LPP: variants seen among roughly 807,000 people sequenced by gnomAD.
The protein encoded by LPP is LIM domain containing preferred translocation partner in lipoma, also known as lipoma-preferred partner.
In LPP, 38 loss-of-function variants were observed where a neutral mutation model predicts 60.4. The observed-to-expected ratio is 0.63, with a 90% CI of 0.49 to 0.83. The LOEUF (loss-of-function observed/expected upper bound fraction) is 0.83, where lower values mean the gene tolerates loss of function less well. Among genes scored for constraint, LPP ranks in the 40% least tolerant of loss-of-function variants. The pLI, the probability that LPP is intolerant of heterozygous loss-of-function variation, is 0.00. For missense variants in LPP, 902 were observed against 783.6 expected (o/e 1.15, Z -1.80); for synonymous variants, 328 against 290.8 (o/e 1.13, Z -1.30).
intron 2 of LPP, among the ~76,000 whole-genome samples, chr3:188,271,105 T>C (rs1422261590): frequency 2.0e-5 from 3 of 152,260 alleles, no homozygotes; most frequent in African/African-American, 4.8e-5. Flanking sequence ...TGGCTTGAAC[T>C]TAAAAAGACA....
chr3:188,839,595 A>G (rs1176469302), intron 9 of LPP, among the ~76,000 whole-genome samples: 5 of 152,174 alleles, frequency 3.3e-5, no homozygotes, highest in Non-Finnish European at 7.3e-5. Context: ...CACTACTTAA[A>G]TCTTACATAG....
chr3:188,348,414 C>A (rs1236508025), intron 3 of LPP, among the ~76,000 whole-genome samples: 1 of 152,160 alleles, frequency 6.6e-6, no homozygotes, highest in Admixed American at 6.5e-5. Flanking sequence ...TCCCAAATTG[C>A]TGGGATTACA....
At chr3:188,837,578 T>C (rs1758811486) in intron 9 of LPP, among the ~76,000 whole-genome samples, 1 of 151,978 alleles carries the variant, frequency 6.6e-6, no homozygotes, top group Non-Finnish European at 1.5e-5. Flanking sequence ...AAATTCAGTC[T>C]GTTCTGCCAA....
chr3:188,568,859 T>C (rs1023713052), intron 6 of LPP, among the ~76,000 whole-genome samples: 2 of 151,886 alleles, frequency 1.3e-5, no homozygotes, highest in Non-Finnish European at 2.9e-5. Context: ...CATTTGGGAC[T>C]GTGTGGGCAG....
At chr3:188,215,718 G>A (rs1376813092) in intron 1 of LPP, among the ~76,000 whole-genome samples, 1 of 152,196 alleles carries the variant, frequency 6.6e-6, no homozygotes, top group African/African-American at 2.4e-5. Flanking sequence ...ACAGCAACCA[G>A]AGACTTCAAA....
At chr3:188,871,687 C>T (rs931769567) in intron 10 of LPP, among the ~76,000 whole-genome samples, 1 of 152,036 alleles carries the variant, frequency 6.6e-6, no homozygotes, top group African/African-American at 2.4e-5. Context: ...TAAATCTCTT[C>T]AGTTCTTATC....
intron 4 of LPP, among the ~76,000 whole-genome samples, chr3:188,427,300 T>C (rs1319588483): frequency 6.6e-6 from 1 of 152,244 alleles, no homozygotes. Flanking sequence ...TTCTGGCTTG[T>C]AGAGTTTCTG....
Position 188,874,562 on chromosome 3 carries a change from A to C in LPP, c.*83A>C, listed in dbSNP as rs1310997810. 2 of 1,452,698 alleles carry C rather than the reference A, an allele frequency of 1.4e-6. No homozygotes were observed. The highest frequency in any genetic ancestry group is 1.9e-6 in the Non-Finnish European group (2 of 1,062,212). The allele number at this position is 1,452,698 out of a possible 1,614,324, so 90.0% of individuals were successfully genotyped here. A position where few individuals can be genotyped will look rare whatever the true frequency, so the allele number is the denominator to read the frequency against. On this transcript the variant is annotated 3_prime_UTR_variant, in exon 12 of 12. Coordinates refer to ENST00000617246, the MANE Select transcript of LPP (RefSeq NM_001375462.1). The stretch of plus-strand genomic sequence containing the variant: ...ATACTAGAGTAAAGGCCATCAAACT[A>C]CGCGATAGTCTCTGTTCTTCATCTG...
At chr3:188,806,099 A>G (rs1749047398) in intron 9 of LPP, among the ~76,000 whole-genome samples, 1 of 151,834 alleles carries the variant, frequency 6.6e-6, no homozygotes, top group African/African-American at 2.4e-5. Context: ...AATTTGGCTA[A>G]CAGTATTGTA....
chr3:188,293,154 T>C (rs1746594127), intron 2 of LPP, among the ~76,000 whole-genome samples: 1 of 152,234 alleles, frequency 6.6e-6, no homozygotes, highest in Non-Finnish European at 1.5e-5. Flanking sequence ...GGAGGACTGG[T>C]CTCATATCTT....
chr3:188,524,632 C>G (rs377250720), intron 5 of LPP, 33 bp from the exon 6 acceptor site: 17 of 1,581,400 alleles, frequency 1.1e-5, no homozygotes, highest in Middle Eastern at 1.8e-4. Flanking sequence ...AGGGAAATTT[C>G]CTTTGTTAAC....
At chr3:188,759,096 C>T (rs1018107496) in intron 8 of LPP, among the ~76,000 whole-genome samples, 19 of 152,140 alleles carry the variant, frequency 1.2e-4, no homozygotes, top group Admixed American at 3.3e-4. Flanking sequence ...TAGATGTGGA[C>T]GTGACGTCTA....
rs536623735 is a variant in LPP, at chr3:188,497,614, G to A, written c.306+12910G>A. 1.2e-3 allele frequency among the ~76,000 whole-genome samples: 177 copies of A among 152,266 alleles called. 6 individuals carry two copies. The South Asian group carries it at 0.035, about 30-fold the overall frequency. The stretch of plus-strand genomic sequence containing the variant: ...ACGCACTTCAGAGTGAAAGTTCAGT[G>A]TCAGAACTTCATAGAGTGTCTGGCC... On this transcript the variant is annotated intron_variant, in intron 5 of 11. Coordinates refer to ENST00000617246, the MANE Select transcript of LPP (RefSeq NM_001375462.1).
At chr3:188,479,445 C>T (rs1429709800) in intron 4 of LPP, among the ~76,000 whole-genome samples, 4 of 152,096 alleles carry the variant, frequency 2.6e-5, no homozygotes, top group Non-Finnish European at 4.4e-5. Flanking sequence ...CTAGGTTCCC[C>T]GATGATTGGA....
intron 4 of LPP, among the ~76,000 whole-genome samples, chr3:188,450,939 A>G (rs887107235): frequency 6.6e-6 from 1 of 152,098 alleles, no homozygotes; most frequent in African/African-American, 2.4e-5. Flanking sequence ...CATTTTGTAT[A>G]TGTGTTCTTA....
chr3:188,241,020 T>C, intron 2 of LPP, among the ~76,000 whole-genome samples: 1 of 152,206 alleles, frequency 6.6e-6, no homozygotes, highest in African/African-American at 2.4e-5. Context: ...TAGTCTAAAG[T>C]GATGATTTTA....
chr3:188,603,622 A>G (rs143843288), intron 6 of LPP, among the ~76,000 whole-genome samples: 3,520 of 152,250 alleles, frequency 0.023, 48 homozygotes, highest in Non-Finnish European at 0.033. Flanking sequence ...GGTAATTTCT[A>G]TATAAATGTT....
intron 8 of LPP, among the ~76,000 whole-genome samples, chr3:188,715,724 A>C (rs1382550154): frequency 6.6e-6 from 1 of 152,178 alleles, no homozygotes; most frequent in Non-Finnish European, 1.5e-5. Context: ...AGAGCCTCTA[A>C]GTTTTATGCT....
chr3:188,164,091 A>T (rs533306814), intron 1 of LPP, among the ~76,000 whole-genome samples: 1 of 152,188 alleles, frequency 6.6e-6, no homozygotes, highest in South Asian at 2.1e-4. Flanking sequence ...TCTATAATAT[A>T]AGAGAGTGCC....
Sources: gnomAD v4.1 joint callset for allele counts (sites outside exome capture counted in the v4.1 genomes callset) on GRCh38, gnomAD v4.1.1 for gene constraint, MANE v1.5 for transcripts, NCBI Gene and HGNC (gene_info 2026-07-23, HGNC 2026-07-21) for gene names.